The following MCF2L variants were observed in gnomAD, a reference collection of about 807,000 sequenced individuals.
MCF2L encodes MCF.2 cell line derived transforming sequence like.
In MCF2L, 97 loss-of-function variants were observed where a neutral mutation model predicts 153.4. That is an observed-to-expected ratio of 0.63 (90% CI 0.54 to 0.75). MCF2L has a LOEUF of 0.75. MCF2L is among the 30% of genes least tolerant of loss of function. MCF2L has a pLI of 0.00. For synonymous variants in MCF2L, 659 were observed against 632.2 expected (o/e 1.04, Z -0.64); for missense variants, 1,347 against 1,495.2 (o/e 0.90, Z 1.64).
At chr13:112,977,036 A>T (rs2082239372) in intron 1 of MCF2L, among the ~76,000 whole-genome samples, 1 of 152,092 alleles carries the variant, frequency 6.6e-6, no homozygotes, top group Non-Finnish European at 1.5e-5. Context: ...GCCACAACCC[A>T]GGTGTGCACG....
Position 113,096,965 on chromosome 13 carries a change from C to A in MCF2L, c.*106C>A. On this transcript the variant is annotated 3_prime_UTR_variant, in exon 30 of 30. Coordinates refer to ENST00000535094, the MANE Select transcript of MCF2L (RefSeq NM_001112732.3). ...GAAGGGGCACCTCACCGCCCCCACC[C>A]AGAGCGCCTGGCCGTGCGGGCTGCA... 2 of 741,634 alleles carry A rather than the reference C, an allele frequency of 2.7e-6. No individual in the cohort carries two copies. The highest frequency in any genetic ancestry group is 3.8e-6 in the Non-Finnish European group (2 of 528,052). 45.9% of individuals were successfully genotyped at this position (741,634 alleles called of 1,614,324 possible). A position where few individuals can be genotyped will look rare whatever the true frequency, so the allele number is the denominator to read the frequency against.
chr13:112,945,710 T>C (rs2081630026), intron 2 of MCF2L, among the ~76,000 whole-genome samples: 1 of 152,222 alleles, frequency 6.6e-6, no homozygotes, highest in Non-Finnish European at 1.5e-5. Flanking sequence ...GCATCTTGCA[T>C]CATGGCGGTT....
rs2081812125 is a variant in MCF2L, at chr13:112,960,483, A to G, written c.170-54280A>G. 6.6e-6 allele frequency among the ~76,000 whole-genome samples: 1 copy of G among 151,986 alleles called. No individual in the cohort carries two copies. Among genetic ancestry groups the G allele is most frequent in the Non-Finnish European group, 1.5e-5 (1 of 68,002 alleles). ...GTCCCCTGCTCATTTTGGTTGTTGC[A>G]TTGAAATGTGGGTGTGATGGATGCT... is the stretch of plus-strand genomic sequence containing the variant. On this transcript the variant is annotated intron_variant, in intron 2 of 29. Coordinates refer to the MCF2L transcript ENST00000375608. This position sits in a 1 kb window ranked among gnomAD's most constrained non-coding sequence, Gnocchi z 4.2.
intron 2 of MCF2L, among the ~76,000 whole-genome samples, chr13:112,940,108 C>A (rs753961261): frequency 1.3e-5 from 2 of 152,180 alleles, no homozygotes; most frequent in Non-Finnish European, 2.9e-5. Flanking sequence ...GCATCCATAT[C>A]ATTAAGTCGG....
At chr13:112,997,973 G>A (rs765787803) in intron 1 of MCF2L, among the ~76,000 whole-genome samples, 1 of 152,252 alleles carries the variant, frequency 6.6e-6, no homozygotes, top group Non-Finnish European at 1.5e-5. Context: ...AGCAGCAGCT[G>A]TATGAAGCCG....
Position 113,027,622 on chromosome 13 carries a change from CG to C in MCF2L, c.278+2867del, listed in dbSNP as rs2085392994. ...AGTGCACGGAGGAGGGGCTGGGTCT[CG>C]GGCCGAGCGGCCGAGCTCCCTGAGG... is the stretch of plus-strand genomic sequence containing the variant. On this transcript the variant is annotated intron_variant, in intron 3 of 29. Coordinates refer to ENST00000535094, the MANE Select transcript of MCF2L (RefSeq NM_001112732.3). This position sits in a 1 kb window ranked among gnomAD's most constrained non-coding sequence, Gnocchi z 4.8. Among the ~76,000 whole-genome samples, 1 of 152,170 alleles carries C rather than the reference CG, an allele frequency of 6.6e-6. No homozygotes were observed. Among genetic ancestry groups the C allele is most frequent in the Non-Finnish European group, 1.5e-5 (1 of 68,032 alleles).
chr13:112,937,434 C>T (rs1236345694), intron 2 of MCF2L, among the ~76,000 whole-genome samples: 3 of 152,244 alleles, frequency 2.0e-5, no homozygotes, highest in East Asian at 3.9e-4. Context: ...GTTTATAAGC[C>T]TTAGGTAAAG....
chr13:113,078,710 G>A lies in MCF2L; in HGVS notation c.1779G>A (p.Glu593=), dbSNP rs2141962352. The change falls in exon 15 of 30, where the codon GAG becomes GAA. Residue 593 remains glutamate, a synonymous_variant. Coordinates refer to ENST00000535094, the MANE Select transcript of MCF2L (RefSeq NM_001112732.3). ...ESRQGRGSAG[E]EEESLAILRR... ...GGCAGGGCCGCGGCTCAGCGGGGGA[G>A]GAGGAGGAAAGCCTGGCCATCCTGC... is the stretch of plus-strand genomic sequence containing the variant. 3 of 1,609,254 alleles carry A rather than the reference G, an allele frequency of 1.9e-6. No individual in the cohort carries two copies. In the South Asian group the frequency reaches 3.3e-5, roughly 18 times the overall value.
intron 3 of MCF2L, among the ~76,000 whole-genome samples, chr13:113,026,589 G>T (rs928816418): frequency 6.6e-6 from 1 of 152,170 alleles, no homozygotes; most frequent in Non-Finnish European, 1.5e-5. Flanking sequence ...AGAGTTCTGC[G>T]GTGCGAGGGC....
intron 2 of MCF2L, among the ~76,000 whole-genome samples, chr13:113,016,711 C>T (rs563958569): frequency 2.0e-4 from 30 of 152,292 alleles, no homozygotes; most frequent in African/African-American, 7.2e-4. Flanking sequence ...GGGGCCTTTG[C>T]ACAGCCGGCC....
intron 1 of MCF2L, among the ~76,000 whole-genome samples, chr13:112,976,876 T>G (rs1388236985): frequency 1.3e-5 from 2 of 152,018 alleles, no homozygotes; most frequent in Non-Finnish European, 2.9e-5. Flanking sequence ...GGGGTTGGGG[T>G]CGCCCAGTCG....
intron 4 of MCF2L, among the ~76,000 whole-genome samples, chr13:113,056,277 CTG>C (rs1221151583): frequency 2.0e-5 from 3 of 150,424 alleles, no homozygotes; most frequent in African/African-American, 7.3e-5. Flanking sequence ...TGTTTGGGTG[CTG>C]TGTGTTTGGG....
At chr13:113,092,074 G>T (rs1481175164) in intron 26 of MCF2L, among the ~76,000 whole-genome samples, 1 of 152,222 alleles carries the variant, frequency 6.6e-6, no homozygotes, top group African/African-American at 2.4e-5. Flanking sequence ...CCCCAGGAGT[G>T]CTTGGGAGAA....
intron 4 of MCF2L, chr13:113,052,821 CAG>C (rs2087447807): frequency 1.3e-5 from 2 of 151,968 alleles, no homozygotes; most frequent in Admixed American, 1.3e-4. Flanking sequence ...ACACATCACA[CAG>C]ACACATCACA....
chr13:112,959,229 C>T (rs2081795157), intron 2 of MCF2L, among the ~76,000 whole-genome samples: 1 of 152,128 alleles, frequency 6.6e-6, no homozygotes, highest in African/African-American at 2.4e-5. Context: ...GTGCTGGGAT[C>T]ACCCTCATAT....
chr13:112,898,947 T>C (rs2081094105), intron 1 of MCF2L, among the ~76,000 whole-genome samples: 1 of 152,018 alleles, frequency 6.6e-6, no homozygotes, highest in Non-Finnish European at 1.5e-5. Context: ...CCCCACCCTG[T>C]GCCCCCTCCC....
At chr13:112,986,588 C>A (rs538475218) in intron 1 of MCF2L, among the ~76,000 whole-genome samples, 11 of 152,228 alleles carry the variant, frequency 7.2e-5, no homozygotes, top group Admixed American at 3.3e-4. Flanking sequence ...TGAGGACAGG[C>A]GGTCCCCTGG....
At position 113,070,209 on chromosome 13, in the gene MCF2L, A is replaced by T; in HGVS notation, c.996+36A>T. ...CTGGGTGGAGCCGGCAGCCGCCCTG[A>T]TGCTCACGGGGCCTCCTGTGCCTGC... is the stretch of plus-strand genomic sequence containing the variant. On this transcript the variant is annotated intron_variant, in intron 9 of 29. Transcript: ENST00000535094. This position sits in a 1 kb window ranked among gnomAD's most constrained non-coding sequence, Gnocchi z 5.6. The T allele has an allele frequency of 7.1e-7, 1 of 1,418,028 alleles. No homozygotes were observed. Among genetic ancestry groups the T allele is most frequent in the Non-Finnish European group, 9.6e-7 (1 of 1,042,368 alleles). The allele number at this position is 1,418,028 out of a possible 1,614,324, so 87.8% of individuals were successfully genotyped here.
chr13:113,001,810 G>A (rs1322434714), intron 1 of MCF2L: 12 of 1,442,302 alleles, frequency 8.3e-6, no homozygotes, highest in Admixed American at 2.5e-5. Context: ...TGGCGTCCCC[G>A]CTTCGCGGCC....
Sources: allele counts gnomAD v4.1 joint callset (sites outside exome capture counted in the v4.1 genomes callset), GRCh38; gene constraint gnomAD v4.1.1; non-coding constraint Gnocchi (gnomAD v3.1); transcripts MANE v1.5; gene names NCBI Gene and HGNC (gene_info 2026-07-23, HGNC 2026-07-21).